The following GRIP1 variants were observed in gnomAD, a reference collection of about 807,000 sequenced individuals.
The protein encoded by GRIP1 is glutamate receptor-interacting protein 1.
A neutral mutation model predicts 129.9 loss-of-function variants in GRIP1; 45 were observed. That is an observed-to-expected ratio of 0.35 (90% CI 0.27 to 0.44). The LOEUF (loss-of-function observed/expected upper bound fraction) is 0.44. GRIP1 is among the 20% of genes least tolerant of loss of function. GRIP1 has a pLI of 1.00. For synonymous variants in GRIP1, 530 were observed against 520.8 expected (o/e 1.02, Z -0.24); for missense variants, 1,196 against 1,396.8 (o/e 0.86, Z 2.29).
intron 15 of GRIP1, among the ~76,000 whole-genome samples, chr12:66,417,022 T>C (rs1439277659): frequency 2.6e-5 from 4 of 151,916 alleles, no homozygotes; most frequent in Non-Finnish European, 5.9e-5. Flanking sequence ...CTAACGAACA[T>C]TGATGCAAAA....
intron 1 of GRIP1, among the ~76,000 whole-genome samples, chr12:66,793,386 A>AT (rs1424292878): frequency 6.6e-6 from 1 of 152,104 alleles, no homozygotes; most frequent in East Asian, 1.9e-4. Flanking sequence ...TTGGTGATAA[A>AT]TTTTCTTCCA....
At chr12:66,411,339 G>C (rs2137722906) in intron 15 of GRIP1, among the ~76,000 whole-genome samples, 1 of 152,202 alleles carries the variant, frequency 6.6e-6, no homozygotes, top group East Asian at 1.9e-4. Context: ...ATCCAGGCTT[G>C]GGGTCTGGAG....
At chr12:66,353,196 G>A (rs568110637) in intron 24 of GRIP1, among the ~76,000 whole-genome samples, 1 of 152,170 alleles carries the variant, frequency 6.6e-6, no homozygotes, top group East Asian at 1.9e-4. Flanking sequence ...GCTCAGTGCC[G>A]AAAAAAACTG....
chr12:66,643,512 G>GA (rs1344813025), intron 1 of GRIP1, among the ~76,000 whole-genome samples: 18 of 151,948 alleles, frequency 1.2e-4, no homozygotes, highest in Non-Finnish European at 2.5e-4. Context: ...TATTTGCCTA[G>GA]AAAAAAGGGA....
At chr12:66,717,674 T>C (rs2035935455) in intron 1 of GRIP1, among the ~76,000 whole-genome samples, 1 of 152,212 alleles carries the variant, frequency 6.6e-6, no homozygotes, top group South Asian at 2.1e-4. Context: ...CTCTGTCTGC[T>C]TAGGCCTTAA....
chr12:67,049,017 G>C (rs1276830347), intron 1 of GRIP1, among the ~76,000 whole-genome samples: 1 of 151,728 alleles, frequency 6.6e-6, no homozygotes, highest in African/African-American at 2.4e-5. Flanking sequence ...GTAGAGACAG[G>C]GTCTCACTAT....
rs10582806 is a variant in GRIP1 at position 66,589,194 on chromosome 12, T to TTCTCTCTCTCTC, written c.136+7641_136+7652dup. Among the ~76,000 whole-genome samples, 829 of 95,596 alleles carry TTCTCTCTCTCTC rather than the reference T, an allele frequency of 8.7e-3. 8 individuals are homozygous for TTCTCTCTCTCTC. Among genetic ancestry groups the TTCTCTCTCTCTC allele is most frequent in the African/African-American group, 0.016 (345 of 22,204 alleles). 62.7% of individuals were successfully genotyped at this position (95,596 alleles called of 152,430 possible). A position where few individuals can be genotyped will look rare whatever the true frequency, so the allele number is the denominator to read the frequency against. On this transcript the variant is annotated intron_variant, in intron 2 of 24. Coordinates refer to ENST00000359742, the MANE Select transcript of GRIP1 (RefSeq NM_001366722.1). ...TGTATAATTATTCCCCTCCCCCACC[T>TTCTCTCTCTCTC]TCTCTCTCTCTCTCTCTCTCTCTCT...
chr12:67,048,844 CTCCTTGCCT>C (rs2043296186), intron 1 of GRIP1, among the ~76,000 whole-genome samples: 1 of 152,162 alleles, frequency 6.6e-6, no homozygotes, highest in South Asian at 2.1e-4. Flanking sequence ...TGACTTGCAC[CTCCTTGCCT>C]TCCACCATGA....
At chr12:66,864,335 C>T (rs2040164225) in intron 1 of GRIP1, among the ~76,000 whole-genome samples, 1 of 60,976 alleles carries the variant, frequency 1.6e-5, no homozygotes. Flanking sequence ...CTTGACACTC[C>T]ATAAATATTC....
chr12:66,399,463 G>A (rs1175826225), intron 16 of GRIP1, among the ~76,000 whole-genome samples: 3 of 151,902 alleles, frequency 2.0e-5, no homozygotes, highest in Non-Finnish European at 2.9e-5. Context: ...AAAGAAAAAC[G>A]TAGAATCACT....
At chr12:66,629,954 G>A (rs1255408442) in intron 1 of GRIP1, among the ~76,000 whole-genome samples, 1 of 152,082 alleles carries the variant, frequency 6.6e-6, no homozygotes, top group Non-Finnish European at 1.5e-5. Context: ...ACTCTATTAA[G>A]TATAGGCCAG....
chr12:66,528,872 A>G (rs918448299), intron 5 of GRIP1, among the ~76,000 whole-genome samples: 1 of 152,212 alleles, frequency 6.6e-6, no homozygotes, highest in East Asian at 1.9e-4. Context: ...AGAGTGAGAG[A>G]AAATCTTTAC....
intron 1 of GRIP1, among the ~76,000 whole-genome samples, chr12:67,068,741 G>C (rs1045993983): frequency 1.7e-4 from 25 of 146,984 alleles, no homozygotes; most frequent in Non-Finnish European, 3.6e-4. Flanking sequence ...CCACGTGCGA[G>C]CGGGCCCTGC....
chr12:66,867,380 G>A (rs529580826), intron 1 of GRIP1, among the ~76,000 whole-genome samples: 6 of 152,240 alleles, frequency 3.9e-5, no homozygotes, highest in African/African-American at 1.2e-4. Context: ...CCAGAAAAGC[G>A]TGAAACTTTA....
intron 1 of GRIP1, among the ~76,000 whole-genome samples, chr12:66,718,021 C>T (rs181163401): frequency 1.0e-3 from 159 of 152,218 alleles, no homozygotes; most frequent in Admixed American, 1.2e-3. Flanking sequence ...GTCATCACAA[C>T]ACAGTTTCCA....
chr12:66,550,929 C>A (rs1167062449), intron 2 of GRIP1, among the ~76,000 whole-genome samples: 1 of 152,144 alleles, frequency 6.6e-6, no homozygotes, highest in East Asian at 1.9e-4. Flanking sequence ...CTCGGAATCA[C>A]ACTTGCTTCA....
chr12:66,828,061 A>G (rs1276780830), intron 1 of GRIP1, among the ~76,000 whole-genome samples: 1 of 152,192 alleles, frequency 6.6e-6, no homozygotes, highest in African/African-American at 2.4e-5. Flanking sequence ...GGGGACTCCC[A>G]TGCCTCAGGG....
At chr12:66,789,227 T>C (rs763309916) in intron 1 of GRIP1, among the ~76,000 whole-genome samples, 5 of 152,180 alleles carry the variant, frequency 3.3e-5, no homozygotes, top group Non-Finnish European at 5.9e-5. Flanking sequence ...GAACCTGCAA[T>C]GTTCTAGGCA....
chr12:66,923,158 G>A (rs949867336), intron 1 of GRIP1, among the ~76,000 whole-genome samples: 1 of 152,104 alleles, frequency 6.6e-6, no homozygotes, highest in Non-Finnish European at 1.5e-5. Context: ...GATATAAACA[G>A]TTATCAGGTT....
Sources: gnomAD v4.1 joint callset for allele counts (sites outside exome capture counted in the v4.1 genomes callset) on GRCh38, gnomAD v4.1.1 for gene constraint, MANE v1.5 for transcripts, NCBI Gene and HGNC (gene_info 2026-07-23, HGNC 2026-07-21) for gene names.